The following ILKAP variants were observed in gnomAD, a reference collection of about 807,000 sequenced individuals.
ILKAP encodes ILK associated serine/threonine phosphatase, also known as integrin-linked kinase-associated serine/threonine phosphatase 2C.
A neutral mutation model predicts 49.1 loss-of-function variants in ILKAP; 11 were observed. That is an observed-to-expected ratio of 0.22 (90% confidence interval 0.14 to 0.37). The LOEUF is 0.37. ILKAP is among the 10% of genes least tolerant of loss of function. ILKAP has a pLI of 1.00. For synonymous variants in ILKAP, 186 were observed against 192.8 expected (o/e 0.96, Z 0.29); for missense variants, 363 against 510.8 (o/e 0.71, Z 2.79).
intron 10 of ILKAP, among the ~76,000 whole-genome samples, chr2:238,172,933 C>CA (rs1693290521): frequency 1.3e-5 from 2 of 152,176 alleles, no homozygotes; most frequent in South Asian, 4.1e-4. Context: ...CATCTTTAAC[C>CA]ATCACCTGTT....
chr2:238,192,718 AAAG>A (rs1369549701), intron 3 of ILKAP, among the ~76,000 whole-genome samples: 1 of 150,146 alleles, frequency 6.7e-6, no homozygotes, highest in African/African-American at 2.5e-5. Flanking sequence ...AAAAAAAAAA[AAAG>A]AATGTGTTAT....
chr2:238,171,143 T>C (rs1693199130), intron 10 of ILKAP, 119 bp from the exon 11 acceptor site: 2 of 655,692 alleles, frequency 3.1e-6, no homozygotes, highest in Non-Finnish European at 5.1e-6. Context: ...AAGGCTAAGG[T>C]TTTTTTTTTC....
At chr2:238,177,474 C>T (rs1328699547) in intron 9 of ILKAP, among the ~76,000 whole-genome samples, 1 of 152,150 alleles carries the variant, frequency 6.6e-6, no homozygotes, top group African/African-American at 2.4e-5. Context: ...AACACTAACC[C>T]CACGATTCAT....
intron 9 of ILKAP, among the ~76,000 whole-genome samples, chr2:238,175,287 G>A (rs1015474797): frequency 2.6e-5 from 4 of 151,960 alleles, no homozygotes; most frequent in Non-Finnish European, 5.9e-5. Context: ...TTTTTGTACA[G>A]ATGGGGTGTT....
chr2:238,195,267 C>T (rs1694296774), intron 1 of ILKAP, among the ~76,000 whole-genome samples: 1 of 152,202 alleles, frequency 6.6e-6, no homozygotes, highest in African/African-American at 2.4e-5. Context: ...TCCTGATAGA[C>T]GTTCAGAAAT....
chr2:238,181,818 G>A (rs1438600772), intron 9 of ILKAP, among the ~76,000 whole-genome samples: 2 of 152,188 alleles, frequency 1.3e-5, no homozygotes, highest in Non-Finnish European at 2.9e-5. Context: ...TAGGCACAGA[G>A]AAAACACTGT....
intron 1 of ILKAP, among the ~76,000 whole-genome samples, chr2:238,200,846 T>G (rs944951142): frequency 6.6e-6 from 1 of 152,182 alleles, no homozygotes; most frequent in Admixed American, 6.5e-5. Flanking sequence ...GGCTAACATC[T>G]ATAAAACACT....
chr2:238,203,526 G>A lies in ILKAP; in HGVS notation c.28C>T (p.Pro10Ser). 1 of 1,235,094 alleles carries A rather than the reference G, an allele frequency of 8.1e-7. No homozygotes were observed. Among genetic ancestry groups the A allele is most frequent in the Non-Finnish European group, 1.0e-6 (1 of 982,414 alleles). The allele number at this position is 1,235,094 out of a possible 1,614,324, so 76.5% of individuals were successfully genotyped here. The change falls in exon 1 of 12, where the codon CCC becomes TCC. Residue 10 changes from proline (P) to serine (S), a missense_variant. Around this residue, in one of 3 missense-constraint regions of ILKAP, gnomAD observed 114 missense variants for 116.0 expected, o/e 0.98. Transcript: ENST00000254654. MDLFGDLPE[P>S]ERSPRPAAGK... ...GCAGCCGGGCGCGGCGAGCGCTCGG[G>A]CTCCGGCAGGTCCCCGAAGAGGTCC...
Position 238,189,882 on chromosome 2 carries a change from T to C in ILKAP, c.269A>G (p.Glu90Gly), listed in dbSNP as rs1289532437. The change falls in exon 4 of 12, where the codon GAA (glutamate) becomes GGA (glycine). Residue 90 changes from glutamate (E) to glycine (G), a missense_variant. Transcript: ENST00000254654. Reference sequence around the variant, plus strand: ...ACAAACTTTCTTTTCCACAAGCTCTTCACTGCCATTCTTCTCTTCCTCGGA... The same window carrying C: ...ACAAACTTTCTTTTCCACAAGCTCTCCACTGCCATTCTTCTCTTCCTCGGA... ...KTSEEEKNGS[E>G]ELVEKKVCKA... The C allele has an allele frequency of 6.2e-7, 1 of 1,614,076 alleles. No individual in the cohort carries two copies. The highest frequency in any genetic ancestry group is 1.1e-5 in the South Asian group (1 of 91,082).
At chr2:238,182,463 T>C (rs1453544021) in intron 8 of ILKAP, among the ~76,000 whole-genome samples, 1 of 152,190 alleles carries the variant, frequency 6.6e-6, no homozygotes, top group Admixed American at 6.5e-5. Flanking sequence ...CTGGCTGTTG[T>C]CACATTTGTG....
At chr2:238,171,145 T>C in intron 10 of ILKAP, 121 bp from the exon 11 acceptor site, 2 of 681,924 alleles carry the variant, frequency 2.9e-6, no homozygotes, top group South Asian at 4.0e-5. Flanking sequence ...GGCTAAGGTT[T>C]TTTTTTTCTT....
At chr2:238,202,902 AACT>A (rs888860551) in intron 1 of ILKAP, among the ~76,000 whole-genome samples, 2 of 151,706 alleles carry the variant, frequency 1.3e-5, no homozygotes, top group Non-Finnish European at 2.9e-5. Flanking sequence ...AAAAAAAAAA[AACT>A]ACTGTTAATT....
At chr2:238,190,877 TA>T (rs57511265) in intron 3 of ILKAP, among the ~76,000 whole-genome samples, 12,537 of 94,602 alleles carry the variant, frequency 0.13, 778 homozygotes, top group East Asian at 0.3. Flanking sequence ...CGTTTCTCTT[TA>T]AAAAAAAAAA....
intron 5 of ILKAP, chr2:238,187,053 A>G (rs1693935128): frequency 6.6e-6 from 1 of 152,226 alleles, no homozygotes; most frequent in Non-Finnish European, 1.5e-5. Context: ...GGACTCTGAG[A>G]CAAGCCTGAG....
chr2:238,175,086 T>C (rs1012492762), intron 9 of ILKAP, among the ~76,000 whole-genome samples: 1 of 151,748 alleles, frequency 6.6e-6, no homozygotes, highest in African/African-American at 2.4e-5. Flanking sequence ...AGAAGGACAA[T>C]ATGAGCAGCA....
At chr2:238,170,764 T>C in intron 11 of ILKAP, 88 bp from the exon 12 acceptor site, 1 of 1,585,164 alleles carries the variant, frequency 6.3e-7, no homozygotes, top group Non-Finnish European at 8.7e-7. Flanking sequence ...GAAGAGCTGC[T>C]CTGGTCTCCA....
At chr2:238,194,683 C>T in intron 2 of ILKAP, 122 bp downstream of exon 2, 2 of 990,732 alleles carry the variant, frequency 2.0e-6, no homozygotes, top group East Asian at 2.5e-5. Flanking sequence ...AACTTAAAGA[C>T]AGTCCAACAC....
chr2:238,176,821 T>G (rs1693480422), intron 9 of ILKAP, among the ~76,000 whole-genome samples: 1 of 152,242 alleles, frequency 6.6e-6, no homozygotes, highest in Non-Finnish European at 1.5e-5. Context: ...AAACAGACTA[T>G]CCACAAGTGA....
At chr2:238,180,157 TTCTC>T (rs925307503) in intron 9 of ILKAP, among the ~76,000 whole-genome samples, 6 of 150,086 alleles carry the variant, frequency 4.0e-5, no homozygotes, top group Non-Finnish European at 8.9e-5. Context: ...CAGATCAAGA[TTCTC>T]TCTCTCAAAA....
Sources: gnomAD v4.1 joint callset for allele counts (sites outside exome capture counted in the v4.1 genomes callset) on GRCh38, gnomAD v4.1.1 for gene constraint, gnomAD v4.1.1 regional missense constraint, MANE v1.5 for transcripts, NCBI Gene and HGNC (gene_info 2026-07-23, HGNC 2026-07-21) for gene names.